Variants in SWT1 observed in about 807,000 individuals in gnomAD.
SWT1 encodes the protein transcriptional protein SWT1.
In SWT1, 33 loss-of-function variants were observed where a neutral mutation model predicts 107.3. The ratio of observed to expected loss-of-function variants is 0.31; its 90% CI spans 0.23 to 0.41. SWT1 has a LOEUF of 0.41. Among genes scored for constraint, SWT1 ranks in the 10% least tolerant of loss-of-function variants. SWT1 has a pLI of 1.00. For synonymous variants in SWT1, 345 were observed against 348.3 expected (o/e 0.99, Z 0.11); for missense variants, 898 against 1,028.9 (o/e 0.87, Z 1.74).
At chr1:185,223,371 C>G (rs969801206) in intron 15 of SWT1, among the ~76,000 whole-genome samples, 2 of 152,154 alleles carry the variant, frequency 1.3e-5, no homozygotes, top group Admixed American at 6.6e-5. Flanking sequence ...GAGATGATAT[C>G]TCACTATGTT....
At chr1:185,261,796 A>G (rs925134905) in intron 16 of SWT1, among the ~76,000 whole-genome samples, 1 of 152,180 alleles carries the variant, frequency 6.6e-6, no homozygotes, top group African/African-American at 2.4e-5. Context: ...AAGTTGATCA[A>G]TTAAATGTGT....
At chr1:185,254,461 G>A (rs1455656420) in intron 16 of SWT1, among the ~76,000 whole-genome samples, 2 of 141,030 alleles carry the variant, frequency 1.4e-5, no homozygotes, top group Non-Finnish European at 3.0e-5. Flanking sequence ...TTCAGATCCT[G>A]TTATTGGTCT....
rs769320547 is a variant in SWT1 at position 185,231,577 on chromosome 1, C to T, written c.2310C>T (p.Ser770=). 6.9e-6 allele frequency: 11 copies of T among 1,603,120 alleles called. No homozygotes were observed. The East Asian group carries it at 2.2e-4, about 33-fold the overall frequency. The change falls in exon 16 of 19, where the codon AGC becomes AGT. Residue 770 remains serine, a splice_region_variant and synonymous_variant. Transcript: ENST00000367500. ...ESVWITIYQN[S]TDVFQRLGSN... is the part of the protein sequence containing the mutation. ...AGTATCTTTTTTTTCTCTATTTTAGCACGGATGTATTTCAAAGATTGGGCT... is the reference window on the plus strand; with the variant it reads ...AGTATCTTTTTTTTCTCTATTTTAGTACGGATGTATTTCAAAGATTGGGCT...
chr1:185,234,987 A>G (rs1660761046), intron 16 of SWT1, among the ~76,000 whole-genome samples: 1 of 151,696 alleles, frequency 6.6e-6, no homozygotes, highest in Non-Finnish European at 1.5e-5. Context: ...TTCTGGACAC[A>G]TACACCCTCC....
intron 17 of SWT1, among the ~76,000 whole-genome samples, chr1:185,274,805 T>A (rs1395897558): frequency 1.3e-5 from 2 of 152,214 alleles, no homozygotes; most frequent in Non-Finnish European, 2.9e-5. Context: ...GGAGATGATA[T>A]TTAGCAGTGT....
chr1:185,193,323 G>C (rs537382062), intron 10 of SWT1, among the ~76,000 whole-genome samples: 1 of 152,196 alleles, frequency 6.6e-6, no homozygotes, highest in East Asian at 1.9e-4. Flanking sequence ...AATATGGTCT[G>C]TTTTAGTGAA....
intron 14 of SWT1, among the ~76,000 whole-genome samples, chr1:185,219,689 G>GAT (rs1386101926): frequency 6.6e-6 from 1 of 151,898 alleles, no homozygotes; most frequent in East Asian, 1.9e-4. Flanking sequence ...TCCTCTGCAT[G>GAT]ATATATATAT....
chr1:185,224,032 CT>C (rs1659871507), intron 15 of SWT1, among the ~76,000 whole-genome samples: 1 of 152,172 alleles, frequency 6.6e-6, no homozygotes, highest in African/African-American at 2.4e-5. Context: ...GCCATTTATC[CT>C]TTTGCACATT....
At chr1:185,193,477 T>G (rs572611328) in intron 10 of SWT1, among the ~76,000 whole-genome samples, 1 of 151,854 alleles carries the variant, frequency 6.6e-6, no homozygotes, top group South Asian at 2.1e-4. Context: ...CTTTTTTTTT[T>G]TTTTCCTGAG....
chr1:185,177,722 C>G (rs1655684665), intron 5 of SWT1, among the ~76,000 whole-genome samples: 1 of 151,994 alleles, frequency 6.6e-6, no homozygotes, highest in African/African-American at 2.4e-5. Context: ...GTTATGCTTT[C>G]TAAAGGAAAA....
Position 185,291,034 on chromosome 1 carries a change from C to G in SWT1, c.*231C>G, listed in dbSNP as rs1332253554. 3.7e-6 allele frequency: 1 copy of G among 270,290 alleles called. No individual in the cohort carries two copies. Among genetic ancestry groups the G allele is most frequent in the South Asian group, 8.5e-5 (1 of 11,764 alleles). The allele number at this position is 270,290 out of a possible 1,614,324, so 16.7% of individuals were successfully genotyped here. The stretch of plus-strand genomic sequence containing the variant: ...ACTCTTCTGGAGTTCACAATGCCTC[C>G]CTACCTCTATTCTTGATAGTGAGCC... On this transcript the variant is annotated 3_prime_UTR_variant, in exon 19 of 19. Coordinates refer to ENST00000367500, the MANE Select transcript of SWT1 (RefSeq NM_017673.7).
At position 185,214,491 on chromosome 1, in the gene SWT1, A is replaced by C. The variant is rs1659067372; in HGVS notation, c.1973-16A>C. On this transcript the variant is annotated splice_polypyrimidine_tract_variant and intron_variant, in intron 13 of 18. Coordinates refer to ENST00000367500, the MANE Select transcript of SWT1 (RefSeq NM_017673.7). The stretch of plus-strand genomic sequence containing the variant: ...TCATTCTTCCATATTTTTCTGTCTT[A>C]ATTTTCTGTTACCAGCTAATAAGGC... The C allele has an allele frequency of 6.3e-7, 1 of 1,588,816 alleles. No homozygotes were observed. The highest frequency in any genetic ancestry group is 1.4e-5 in the African/African-American group (1 of 73,796).
chr1:185,246,655 G>A (rs1485354544), intron 16 of SWT1, among the ~76,000 whole-genome samples: 1 of 147,518 alleles, frequency 6.8e-6, no homozygotes, highest in South Asian at 2.2e-4. Flanking sequence ...AATAGAGGGG[G>A]GTCTCACTTT....
chr1:185,285,250 C>G lies in SWT1; in HGVS notation c.2574-5424C>G, dbSNP rs528331878. 6.6e-5 allele frequency among the ~76,000 whole-genome samples: 10 copies of G among 152,272 alleles called. No homozygotes were observed. The South Asian group carries it at 2.1e-3, about 32-fold the overall frequency. ...AGACAGTGTGCCCCACCCCGACAAC[C>G]CAGCAGTGCATATTTATCTCACCCT... On this transcript the variant is annotated intron_variant, in intron 18 of 18. Coordinates refer to ENST00000367500, the MANE Select transcript of SWT1 (RefSeq NM_017673.7).
intron 18 of SWT1, among the ~76,000 whole-genome samples, chr1:185,283,683 C>T (rs1420061520): frequency 6.6e-6 from 1 of 152,180 alleles, no homozygotes; most frequent in Non-Finnish European, 1.5e-5. Flanking sequence ...TCACAACACA[C>T]TTCTGACACC....
At chr1:185,226,735 T>A (rs546275372) in intron 15 of SWT1, 1 of 294,540 alleles carries the variant, frequency 3.4e-6, no homozygotes, top group Non-Finnish European at 5.6e-6. Flanking sequence ...TCTGAGACTT[T>A]TTTTTTTTTT....
intron 4 of SWT1, among the ~76,000 whole-genome samples, chr1:185,171,022 C>T (rs1338494603): frequency 6.6e-6 from 1 of 152,146 alleles, no homozygotes; most frequent in East Asian, 1.9e-4. Flanking sequence ...GACAGTCACA[C>T]TTTTTAAAAT....
At chr1:185,196,511 A>G (rs1657402985) in intron 10 of SWT1, among the ~76,000 whole-genome samples, 2 of 152,298 alleles carry the variant, frequency 1.3e-5, no homozygotes, top group East Asian at 3.9e-4. Context: ...AGTTTTTCTA[A>G]TTCTGTGAAG....
chr1:185,283,473 T>G (rs1664763244), intron 18 of SWT1, among the ~76,000 whole-genome samples: 1 of 152,220 alleles, frequency 6.6e-6, no homozygotes, highest in Admixed American at 6.5e-5. Flanking sequence ...AGGTACAGCA[T>G]TTAATTCACT....
Sources: allele counts gnomAD v4.1 joint callset (sites outside exome capture counted in the v4.1 genomes callset), GRCh38; gene constraint gnomAD v4.1.1; transcripts MANE v1.5; gene names NCBI Gene and HGNC (gene_info 2026-07-23, HGNC 2026-07-21).